Variants in GABBR2 observed in about 807,000 individuals in gnomAD.
GABBR2 encodes the protein G-protein coupled receptor 51.
GABBR2 carries 23 observed loss-of-function variants against 105.6 expected under a neutral mutation model. That is an observed-to-expected ratio of 0.22 (90% CI 0.16 to 0.31). The LOEUF (loss-of-function observed/expected upper bound fraction) is 0.31. Among genes scored for constraint, GABBR2 ranks in the 10% least tolerant of loss-of-function variants. GABBR2 has a pLI of 1.00. For synonymous variants in GABBR2, 478 were observed against 499.7 expected (o/e 0.96, Z 0.58); for missense variants, 734 against 1,245.5 (o/e 0.59, Z 6.18).
intron 1 of GABBR2, among the ~76,000 whole-genome samples, chr9:98,689,052 A>G (rs1830654067): frequency 6.6e-6 from 1 of 152,240 alleles, no homozygotes; most frequent in African/African-American, 2.4e-5. Flanking sequence ...TTCTAGTCCC[A>G]GCCCTATGCC....
intron 10 of GABBR2, among the ~76,000 whole-genome samples, chr9:98,387,647 C>T (rs936676509): frequency 7.9e-5 from 12 of 152,060 alleles, no homozygotes; most frequent in African/African-American, 2.9e-4. Flanking sequence ...CAAAATAACC[C>T]CGGACACAGT....
chr9:98,635,694 G>A (rs1829865930), intron 1 of GABBR2, among the ~76,000 whole-genome samples: 1 of 152,182 alleles, frequency 6.6e-6, no homozygotes, highest in Admixed American at 6.5e-5. Flanking sequence ...CAGGCAGAAG[G>A]AACTTCTGAA....
At chr9:98,483,003 TG>T (rs1235829731) in intron 4 of GABBR2, among the ~76,000 whole-genome samples, 1 of 152,006 alleles carries the variant, frequency 6.6e-6, no homozygotes, top group African/African-American at 2.4e-5. Context: ...CTGTGTGCTG[TG>T]GACTCCAAAT....
chr9:98,412,957 T>C (rs942411236), intron 7 of GABBR2, among the ~76,000 whole-genome samples: 1 of 152,248 alleles, frequency 6.6e-6, no homozygotes, highest in African/African-American at 2.4e-5. Context: ...CTAGACTTTA[T>C]TGAATCTAAG....
chr9:98,376,230 T>C (rs1206656030), intron 11 of GABBR2, among the ~76,000 whole-genome samples: 1 of 152,206 alleles, frequency 6.6e-6, no homozygotes, highest in Non-Finnish European at 1.5e-5. Flanking sequence ...TCATGAAGCA[T>C]GCCTGGGAGG....
intron 2 of GABBR2, among the ~76,000 whole-genome samples, chr9:98,572,992 G>T (rs558021017): frequency 6.6e-6 from 1 of 152,204 alleles, no homozygotes; most frequent in Non-Finnish European, 1.5e-5. Flanking sequence ...AATGCAGAGC[G>T]ATTCTGTGGA....
intron 2 of GABBR2, among the ~76,000 whole-genome samples, chr9:98,556,266 G>A (rs542537066): frequency 2.4e-4 from 36 of 152,250 alleles, no homozygotes; most frequent in African/African-American, 7.9e-4. Flanking sequence ...CCACCTGCCC[G>A]CTGACACTCA....
At chr9:98,394,897 ATGCATCCTTAGGTTGAATT>A (rs1832259973) in intron 8 of GABBR2, among the ~76,000 whole-genome samples, 1 of 152,092 alleles carries the variant, frequency 6.6e-6, no homozygotes, top group African/African-American at 2.4e-5. Context: ...TTGCTATTAT[ATGCATCCTTAGGTTGAATT>A]TGCATCTTTC....
chr9:98,305,196 C>T (rs749750737), intron 15 of GABBR2, among the ~76,000 whole-genome samples: 5 of 152,028 alleles, frequency 3.3e-5, no homozygotes, highest in South Asian at 4.1e-4. Context: ...GGATGATGTT[C>T]GAAAAATTTC....
chr9:98,341,497 A>G (rs1831212933), intron 13 of GABBR2, among the ~76,000 whole-genome samples: 1 of 152,260 alleles, frequency 6.6e-6, no homozygotes, highest in African/African-American at 2.4e-5. Flanking sequence ...ATAAAGACGA[A>G]TGATCAGAAG....
chr9:98,584,471 C>T (rs1043273633), intron 1 of GABBR2, among the ~76,000 whole-genome samples: 1 of 152,138 alleles, frequency 6.6e-6, no homozygotes, highest in Admixed American at 6.5e-5. Flanking sequence ...GCTTCTCCTT[C>T]CCTATAAGGA....
chr9:98,612,598 T>C (rs1403679721), intron 1 of GABBR2, among the ~76,000 whole-genome samples: 1 of 152,218 alleles, frequency 6.6e-6, no homozygotes. Context: ...CAAGGTGGTA[T>C]CGCAAATTAA....
chr9:98,497,763 C>A lies in GABBR2; in HGVS notation c.631-1249G>T, dbSNP rs966662728. On this transcript the variant is annotated intron_variant, in intron 3 of 18. Transcript: ENST00000259455. The stretch of plus-strand genomic sequence containing the variant: ...TGGTGAAGATGTGGAGAAACTGGAA[C>A]CCTTGTGTGTTGCTGGTGGAAATGT... Among the ~76,000 whole-genome samples, 3 of 152,306 alleles carry A rather than the reference C, an allele frequency of 2.0e-5. No homozygotes were observed. In the East Asian group the frequency reaches 5.8e-4, roughly 29 times the overall value.
intron 1 of GABBR2, among the ~76,000 whole-genome samples, chr9:98,643,173 G>A (rs1408341737): frequency 1.3e-5 from 2 of 152,244 alleles, no homozygotes; most frequent in Non-Finnish European, 2.9e-5. Flanking sequence ...GCACTCGGAG[G>A]GGAGAGGGAG....
At chr9:98,327,775 A>C (rs1436426609) in intron 13 of GABBR2, among the ~76,000 whole-genome samples, 2 of 151,904 alleles carry the variant, frequency 1.3e-5, no homozygotes, top group Non-Finnish European at 2.9e-5. Context: ...AGGCTAAGGC[A>C]CAAGAATCGC....
In GABBR2 at chr9:98,340,434, T is replaced by C. The variant is rs937683658; in HGVS notation, c.1893+22281A>G. ...TGTGTGTGTGTTTCTCTCTCTCTCT[T>C]TTTTTTTTTGAGACGGGGTCTCGTC... On this transcript the variant is annotated intron_variant, in intron 13 of 18. Transcript: ENST00000259455. Among the ~76,000 whole-genome samples the C allele has an allele frequency of 4.6e-4, 67 of 146,842 alleles. 2 individuals are homozygous for C. Among genetic ancestry groups the C allele is most frequent in the Non-Finnish European group, 5.9e-5 (4 of 67,236 alleles).
chr9:98,571,715 C>T (rs761814908), intron 2 of GABBR2, among the ~76,000 whole-genome samples: 6 of 152,182 alleles, frequency 3.9e-5, no homozygotes, highest in Non-Finnish European at 7.3e-5. Context: ...TCCCCAACAG[C>T]AGGCCTGGCT....
chr9:98,560,442 TACAC>T (rs140755037), intron 2 of GABBR2, among the ~76,000 whole-genome samples: 187 of 137,266 alleles, frequency 1.4e-3, no homozygotes, highest in Admixed American at 1.3e-3. Context: ...CACACACACA[TACAC>T]ACACACACAT....
intron 4 of GABBR2, among the ~76,000 whole-genome samples, chr9:98,492,688 G>A (rs1278732999): frequency 1.3e-5 from 2 of 152,122 alleles, no homozygotes; most frequent in South Asian, 4.1e-4. Context: ...GTTTGGGGGA[G>A]TATTGGTCAG....
Sources: allele counts gnomAD v4.1 joint callset (sites outside exome capture counted in the v4.1 genomes callset), GRCh38; gene constraint gnomAD v4.1.1; transcripts MANE v1.5; gene names NCBI Gene and HGNC (gene_info 2026-07-23, HGNC 2026-07-21).